Variants in WWOX observed in about 807,000 individuals in gnomAD.
The protein encoded by WWOX is WW domain containing oxidoreductase.
In WWOX, 69 loss-of-function variants were observed where a neutral mutation model predicts 46.2. The ratio of observed to expected loss-of-function variants is 1.49; its 90% CI spans 1.23 to 1.82. WWOX has a LOEUF of 1.82. Ranked by LOEUF, WWOX falls within the 40% of genes most tolerant of loss-of-function variation. The pLI is 0.00. For missense variants in WWOX, 919 were observed against 542.6 expected (o/e 1.69, Z -6.89); for synonymous variants, 359 against 202.6 (o/e 1.77, Z -6.56).
intron 5 of WWOX, among the ~76,000 whole-genome samples, chr16:78,300,536 T>A (rs2080021619): frequency 2.0e-5 from 3 of 151,708 alleles, no homozygotes; most frequent in Non-Finnish European, 4.4e-5. Flanking sequence ...CTCTTCTCTT[T>A]CCCCTGTCTC....
rs563355129 is a variant in WWOX at position 78,259,583 on chromosome 16, G to C, written c.516+95294G>C. ...TCCACCCACCTTGGCTTCCCAAAGT[G>C]CTGGGATTACAGGCATGAGCCACCA... On this transcript the variant is annotated intron_variant, in intron 5 of 8. Coordinates refer to ENST00000566780, the MANE Select transcript of WWOX (RefSeq NM_016373.4). Among the ~76,000 whole-genome samples the C allele has an allele frequency of 5.9e-5, 9 of 151,700 alleles. No individual in the cohort carries two copies. In the East Asian group the frequency reaches 1.5e-3, roughly 26 times the overall value.
intron 8 of WWOX, among the ~76,000 whole-genome samples, chr16:79,152,864 T>C (rs1048935117): frequency 2.6e-5 from 4 of 151,860 alleles, no homozygotes; most frequent in African/African-American, 7.3e-5. Flanking sequence ...CCCTGGGAGA[T>C]AGAACGGAGT....
chr16:78,560,598 C>A (rs1027756493), intron 8 of WWOX, among the ~76,000 whole-genome samples: 6 of 152,086 alleles, frequency 3.9e-5, no homozygotes, highest in Non-Finnish European at 5.9e-5. Flanking sequence ...GAGCTGAGAT[C>A]ACGCCATTAT....
chr16:78,619,869 T>C (rs2046134622), intron 8 of WWOX, among the ~76,000 whole-genome samples: 1 of 152,004 alleles, frequency 6.6e-6, no homozygotes. Context: ...TTGTACTCCA[T>C]CTAGCCTGGG....
At chr16:78,448,732 G>A (rs2083617975) in intron 8 of WWOX, among the ~76,000 whole-genome samples, 1 of 152,140 alleles carries the variant, frequency 6.6e-6, no homozygotes, top group East Asian at 1.9e-4. Flanking sequence ...AAAATCAAGG[G>A]GAGGAATAAT....
intron 8 of WWOX, among the ~76,000 whole-genome samples, chr16:78,666,263 T>C (rs771588406): frequency 1.3e-5 from 2 of 152,066 alleles, no homozygotes; most frequent in Non-Finnish European, 2.9e-5. Flanking sequence ...CACTCTAGCC[T>C]GGGTGACAGA....
intron 8 of WWOX, among the ~76,000 whole-genome samples, chr16:78,508,933 G>C (rs16947852): frequency 0.012 from 1,762 of 152,282 alleles, 38 homozygotes; most frequent in African/African-American, 0.04. Flanking sequence ...TCATGTATTG[G>C]CTGGCTGTTC....
intron 4 of WWOX, among the ~76,000 whole-genome samples, chr16:78,124,694 T>G (rs2033281642): frequency 6.6e-6 from 1 of 152,154 alleles, no homozygotes; most frequent in Admixed American, 6.5e-5. Context: ...ATAGGAAGGG[T>G]TGCATTGTGT....
chr16:78,585,710 TTTTGCCTAA>T (rs1597308111), intron 8 of WWOX, among the ~76,000 whole-genome samples: 3 of 151,698 alleles, frequency 2.0e-5, no homozygotes, highest in South Asian at 2.1e-4. Flanking sequence ...TTTTTTGTTT[TTTTGCCTAA>T]TTTGTGCTTG....
At chr16:78,923,817 T>C (rs1359497050) in intron 8 of WWOX, among the ~76,000 whole-genome samples, 30 of 112,234 alleles carry the variant, frequency 2.7e-4, no homozygotes, top group African/African-American at 4.3e-4. Context: ...TTTTTTTTTT[T>C]CAGACGGAGT....
intron 5 of WWOX, among the ~76,000 whole-genome samples, chr16:78,235,897 T>C (rs2037421759): frequency 6.6e-6 from 1 of 152,186 alleles, no homozygotes; most frequent in Admixed American, 6.5e-5. Flanking sequence ...GCATAGCAGG[T>C]ACCCACAGGA....
chr16:78,708,340 T>C (rs2048368956), intron 8 of WWOX, among the ~76,000 whole-genome samples: 1 of 152,214 alleles, frequency 6.6e-6, no homozygotes, highest in African/African-American at 2.4e-5. Context: ...GATTTGTTGT[T>C]TATGTGAAAC....
At chr16:78,144,188 T>G (rs1348434220) in intron 4 of WWOX, among the ~76,000 whole-genome samples, 2 of 151,984 alleles carry the variant, frequency 1.3e-5, no homozygotes, top group Non-Finnish European at 2.9e-5. Context: ...TACAAGCTGT[T>G]TTAAATAGTT....
chr16:78,851,629 G>C (rs1164573963), intron 8 of WWOX, among the ~76,000 whole-genome samples: 2 of 152,214 alleles, frequency 1.3e-5, no homozygotes, highest in Non-Finnish European at 2.9e-5. Context: ...CTAGGACAGT[G>C]TCAGACACAT....
At chr16:78,394,257 T>A (rs2082240025) in intron 6 of WWOX, among the ~76,000 whole-genome samples, 1 of 152,214 alleles carries the variant, frequency 6.6e-6, no homozygotes, top group Admixed American at 6.5e-5. Context: ...TTTGCTTCTC[T>A]ACACAGTATG....
chr16:79,128,990 G>A (rs575846035), intron 8 of WWOX, among the ~76,000 whole-genome samples: 19 of 152,320 alleles, frequency 1.2e-4, no homozygotes, highest in African/African-American at 3.4e-4. Flanking sequence ...CTCTGGGTTA[G>A]AAATGTTGTT....
intron 5 of WWOX, among the ~76,000 whole-genome samples, chr16:78,228,488 C>T (rs1433340206): frequency 6.6e-6 from 1 of 151,928 alleles, no homozygotes; most frequent in Non-Finnish European, 1.5e-5. Context: ...ACCACAGGTG[C>T]TTGCCACCAT....
At chr16:79,074,409 CTTTTTTTTTTTTTTTTTTTTTTT>C (rs60074156) in intron 8 of WWOX, among the ~76,000 whole-genome samples, 1 of 30,974 alleles carries the variant, frequency 3.2e-5, no homozygotes, top group Non-Finnish European at 5.5e-5. Context: ...GTCACTAGTC[CTTTTTTTTTTTTTTTTTTTTTTT>C]TTTTTTTTTT....
intron 5 of WWOX, among the ~76,000 whole-genome samples, chr16:78,255,483 A>G (rs1188015012): frequency 1.3e-5 from 2 of 152,246 alleles, no homozygotes; most frequent in African/African-American, 2.4e-5. Context: ...CAGAAGTCAT[A>G]GCAAAGAGAG....
Sources: gnomAD v4.1 joint callset for allele counts (sites outside exome capture counted in the v4.1 genomes callset) on GRCh38, gnomAD v4.1.1 for gene constraint, MANE v1.5 for transcripts, NCBI Gene and HGNC (gene_info 2026-07-23, HGNC 2026-07-21) for gene names.